The following GDPD5 variants were observed in gnomAD, a reference collection of about 807,000 sequenced individuals.
GDPD5 encodes glycerophosphodiester phosphodiesterase domain containing 5.
In GDPD5, 48 loss-of-function variants were observed where a neutral mutation model predicts 75.1. That is an observed-to-expected ratio of 0.64 (90% CI 0.51 to 0.81). The LOEUF (loss-of-function observed/expected upper bound fraction) is 0.81. Among genes scored for constraint, GDPD5 ranks in the 40% least tolerant of loss-of-function variants. The pLI, the probability that GDPD5 is intolerant of heterozygous loss-of-function variation, is 0.00. For synonymous variants in GDPD5, 336 were observed against 339.0 expected (o/e 0.99, Z 0.10); for missense variants, 706 against 822.6 (o/e 0.86, Z 1.73).
intron 3 of GDPD5, among the ~76,000 whole-genome samples, chr11:75,477,314 C>T (rs1949799810): frequency 1.3e-5 from 2 of 152,248 alleles, no homozygotes; most frequent in Non-Finnish European, 2.9e-5. Flanking sequence ...CTGTCAAGAT[C>T]TGCCAGGAAG....
chr11:75,464,175 T>C (rs941308812), intron 3 of GDPD5, among the ~76,000 whole-genome samples: 1 of 152,210 alleles, frequency 6.6e-6, no homozygotes, highest in African/African-American at 2.4e-5. Flanking sequence ...TCCCACACCA[T>C]GCAAAGATAC....
intron 1 of GDPD5, among the ~76,000 whole-genome samples, chr11:75,497,423 A>T (rs2135439563): frequency 6.6e-6 from 1 of 152,272 alleles, no homozygotes; most frequent in Admixed American, 6.5e-5. Flanking sequence ...CCAGGAGTGA[A>T]CAAACTTGTT....
intron 1 of GDPD5, among the ~76,000 whole-genome samples, chr11:75,495,754 T>C (rs1425653357): frequency 2.0e-5 from 3 of 152,214 alleles, no homozygotes; most frequent in Non-Finnish European, 4.4e-5. Flanking sequence ...CAAAGATACA[T>C]GGATCTCTAT....
chr11:75,464,316 A>G (rs186591665), intron 3 of GDPD5, among the ~76,000 whole-genome samples: 2 of 152,334 alleles, frequency 1.3e-5, no homozygotes, highest in Non-Finnish European at 2.9e-5. Flanking sequence ...TACTTATGCC[A>G]TGGGGTTGAT....
intron 3 of GDPD5, among the ~76,000 whole-genome samples, chr11:75,472,594 C>G (rs565733669): frequency 3.9e-5 from 6 of 152,096 alleles, no homozygotes; most frequent in Non-Finnish European, 8.8e-5. Flanking sequence ...AGCACACACC[C>G]GTCCGCACAT....
chr11:75,457,873 A>G, intron 4 of GDPD5, 87 bp from the exon 5 acceptor site: 1 of 994,772 alleles, frequency 1.0e-6, no homozygotes, highest in South Asian at 1.4e-5. Context: ...CTCCACACAG[A>G]CGACAGGCTG....
intron 1 of GDPD5, among the ~76,000 whole-genome samples, chr11:75,493,896 G>A (rs1950160069): frequency 6.6e-6 from 1 of 152,038 alleles, no homozygotes; most frequent in African/African-American, 2.4e-5. Flanking sequence ...AATGCACATG[G>A]TGGCTGAGGA....
chr11:75,478,104 G>A (rs915811438), intron 2 of GDPD5, among the ~76,000 whole-genome samples: 39 of 152,114 alleles, frequency 2.6e-4, no homozygotes, highest in African/African-American at 7.7e-4. Context: ...AAACCTGCAT[G>A]GCTTCCTTCT....
intron 15 of GDPD5, 108 bp from the exon 16 acceptor site, chr11:75,437,156 G>C (rs1948648255): frequency 1.3e-6 from 1 of 763,090 alleles, no homozygotes; most frequent in East Asian, 2.7e-5. Context: ...AGACCAGCAG[G>C]ACTCTTGTCC....
chr11:75,482,109 C>T (rs974523772), intron 2 of GDPD5, among the ~76,000 whole-genome samples: 5 of 152,166 alleles, frequency 3.3e-5, no homozygotes, highest in Non-Finnish European at 7.4e-5. Context: ...CACATGTCCT[C>T]TGCCGCCCCT....
rs551524632 is a variant in GDPD5 at position 75,459,742 on chromosome 11, G to A, written c.222-1956C>T. Among the ~76,000 whole-genome samples the A allele has an allele frequency of 9.2e-4, 139 of 151,492 alleles. 2 individuals carry two copies. In the South Asian group the frequency reaches 0.028, roughly 30 times the overall value. Reference sequence around the variant, plus strand: ...GGAGAATGGCGTGAACCTGGGAGGCGGAGCTTGCAGTGAGCTGAGATCATA... The same window carrying A: ...GGAGAATGGCGTGAACCTGGGAGGCAGAGCTTGCAGTGAGCTGAGATCATA... On this transcript the variant is annotated intron_variant, in intron 4 of 16. Coordinates refer to ENST00000336898, the MANE Select transcript of GDPD5 (RefSeq NM_030792.8).
At chr11:75,524,537 C>A (rs368102491) in intron 1 of GDPD5, among the ~76,000 whole-genome samples, 5 of 152,206 alleles carry the variant, frequency 3.3e-5, no homozygotes, top group African/African-American at 1.2e-4. Flanking sequence ...GTCACGTGAG[C>A]CACATCTCCA....
At chr11:75,462,995 C>A in intron 3 of GDPD5, 106 bp from the exon 4 acceptor site, 2 of 867,944 alleles carry the variant, frequency 2.3e-6, no homozygotes, top group Non-Finnish European at 3.7e-6. Flanking sequence ...GCCAAACCTG[C>A]CAGGCAGGAA....
At chr11:75,436,073 C>G (rs545228589) in intron 16 of GDPD5, among the ~76,000 whole-genome samples, 2 of 152,334 alleles carry the variant, frequency 1.3e-5, no homozygotes, top group East Asian at 3.9e-4. Context: ...AGGGCCTCCT[C>G]ATGGCAACTC....
chr11:75,523,262 G>T (rs1414395949), intron 1 of GDPD5, among the ~76,000 whole-genome samples: 1 of 152,154 alleles, frequency 6.6e-6, no homozygotes, highest in Non-Finnish European at 1.5e-5. Context: ...GTAGACTCAC[G>T]CCCACCTGGT....
At chr11:75,471,480 A>C (rs940267485) in intron 3 of GDPD5, among the ~76,000 whole-genome samples, 1 of 152,156 alleles carries the variant, frequency 6.6e-6, no homozygotes. Flanking sequence ...ATTAGGCAGG[A>C]GAATGCAATT....
At position 75,444,436 on chromosome 11, in the gene GDPD5, C is replaced by T. The variant is rs775547150; in HGVS notation, c.774G>A (p.Gly258=). The T allele has an allele frequency of 6.8e-6, 11 of 1,613,616 alleles. No homozygotes were observed. The highest frequency in any genetic ancestry group is 9.3e-6 in the Non-Finnish European group (11 of 1,179,678). The part of the protein sequence containing the change: ...FRKALEQKLY[G]LQADITISLD... ...ACCTGATGGTAATGTCAGCCTGGAGCCCGTACAGCTTCTGCTCGAGGGCCT... is the reference window on the plus strand; with the variant it reads ...ACCTGATGGTAATGTCAGCCTGGAGTCCGTACAGCTTCTGCTCGAGGGCCT... The change falls in exon 10 of 17, where the codon GGG becomes GGA. Residue 258 remains glycine, a synonymous_variant. Coordinates refer to ENST00000336898, the MANE Select transcript of GDPD5 (RefSeq NM_030792.8).
At chr11:75,442,846 A>T in intron 11 of GDPD5, 2 of 602,108 alleles carry the variant, frequency 3.3e-6, no homozygotes. Context: ...AGCATTTCAG[A>T]TCAGAGAGCC....
At chr11:75,509,017 G>C (rs1783556) in intron 1 of GDPD5, 100,345 of 152,146 alleles carry the variant, frequency 0.66, 33,840 homozygotes, top group Non-Finnish European at 0.74. Context: ...CCGACTGACA[G>C]CTCCTGGCAT....
Sources: gnomAD v4.1 joint callset for allele counts (sites outside exome capture counted in the v4.1 genomes callset) on GRCh38, gnomAD v4.1.1 for gene constraint, MANE v1.5 for transcripts, NCBI Gene and HGNC (gene_info 2026-07-23, HGNC 2026-07-21) for gene names.